The following DEFB1 variants were observed in gnomAD, a reference collection of about 807,000 sequenced individuals.
The protein encoded by DEFB1 is defensin beta 1.
A neutral mutation model predicts 2.6 loss-of-function variants in DEFB1; 4 were observed. That is an observed-to-expected ratio of 1.53 (90% CI 0.76 to 3.51). The LOEUF (loss-of-function observed/expected upper bound fraction) is 3.51, where lower values mean the gene tolerates loss of function less well. Ranked by LOEUF, DEFB1 falls within the 30% of genes most tolerant of loss-of-function variation. The pLI is 0.01. For missense variants in DEFB1, 162 were observed against 76.9 expected, an observed-to-expected ratio of 2.11 and a Z score of -4.14; for synonymous variants, 56 against 28.5, an observed-to-expected ratio of 1.96 and a Z score of -3.07.
At chr8:6,873,629 T>C (rs921511300) in intron 1 of DEFB1, among the ~76,000 whole-genome samples, 3 of 152,126 alleles carry the variant, frequency 2.0e-5, no homozygotes, top group African/African-American at 7.2e-5. Context: ...CCACATGTTC[T>C]CAGTTATAAG....
intron 1 of DEFB1, among the ~76,000 whole-genome samples, chr8:6,873,264 C>T (rs975938773): frequency 6.6e-6 from 1 of 152,222 alleles, no homozygotes; most frequent in African/African-American, 2.4e-5. Flanking sequence ...GCCTCCTGAT[C>T]TCACTTCAGT....
intron 1 of DEFB1, among the ~76,000 whole-genome samples, chr8:6,873,210 A>G (rs1239441009): frequency 6.6e-6 from 1 of 152,224 alleles, no homozygotes; most frequent in Non-Finnish European, 1.5e-5. Context: ...TGATGTCCCC[A>G]GAGCATGTAG....
intron 1 of DEFB1, among the ~76,000 whole-genome samples, chr8:6,875,050 A>G (rs144905147): frequency 0.01 from 1,463 of 142,104 alleles, 9 homozygotes; most frequent in Non-Finnish European, 0.015. Context: ...CTTGACCGTT[A>G]CTTCATACCG....
chr8:6,871,259 G>C (rs2117207086), intron 1 of DEFB1, among the ~76,000 whole-genome samples: 1 of 152,256 alleles, frequency 6.6e-6, no homozygotes, highest in South Asian at 2.1e-4. Context: ...TGTTCCCTCT[G>C]CCTTGAATCC....
chr8:6,875,836 C>T (rs1242138415), intron 1 of DEFB1, among the ~76,000 whole-genome samples: 1 of 149,306 alleles, frequency 6.7e-6, no homozygotes, highest in Non-Finnish European at 1.5e-5. Context: ...CTGTACTATT[C>T]AACCTGAATA....
chr8:6,875,919 G>C (rs923240195), intron 1 of DEFB1, among the ~76,000 whole-genome samples: 4 of 152,132 alleles, frequency 2.6e-5, no homozygotes, highest in African/African-American at 7.2e-5. Context: ...GATTATTCTT[G>C]GGGGTAGGAG....
At chr8:6,870,936 CT>C in intron 1 of DEFB1, 110 bp from the exon 2 acceptor site, 1 of 1,246,002 alleles carries the variant, frequency 8.0e-7, no homozygotes, top group South Asian at 1.6e-5. Flanking sequence ...AGAGTCTTCT[CT>C]TCCAAGAAAT....
rs5743488 is a variant in DEFB1, at chr8:6,870,902, G to T, written c.62-76C>A. On this transcript the variant is annotated intron_variant, in intron 1 of 1. Transcript: ENST00000297439. Reference sequence around the variant, plus strand: ...GATTTGAGAACATCTCGCGAAAGCAGAACAAATAACTGCAAAACACCGGAG... The same window carrying T: ...GATTTGAGAACATCTCGCGAAAGCATAACAAATAACTGCAAAACACCGGAG... 141 of 1,489,836 alleles carry T rather than the reference G, an allele frequency of 9.5e-5. No individual in the cohort carries two copies. In the African/African-American group the frequency reaches 1.9e-3, roughly 20 times the overall value. The allele number at this position is 1,489,836 out of a possible 1,614,324, so 92.3% of individuals were successfully genotyped here. A position where few individuals can be genotyped will look rare whatever the true frequency, so the allele number is the denominator to read the frequency against.
rs757743439 is a variant in DEFB1 at position 6,870,604 on chromosome 8, G to A, written c.*77C>T. The A allele has an allele frequency of 1.7e-4, 261 of 1,555,582 alleles. 1 individual carries two copies. Among genetic ancestry groups the A allele is most frequent in the Middle Eastern group, 3.4e-4 (2 of 5,804 alleles). Reference sequence around the variant, plus strand: ...GGCCCAAAGGAGGTATACTTCAAAAGCAATTTTCCTTTATTAAAAGAATGC... The same window carrying A: ...GGCCCAAAGGAGGTATACTTCAAAAACAATTTTCCTTTATTAAAAGAATGC... On this transcript the variant is annotated 3_prime_UTR_variant, in exon 2 of 2. Coordinates refer to ENST00000297439, the MANE Select transcript of DEFB1 (RefSeq NM_005218.4).
At position 6,870,733 on chromosome 8, in the gene DEFB1, A is replaced by C. The variant is rs749021433; in HGVS notation, c.155T>G (p.Phe52Cys). The change falls in exon 2 of 2, where the codon TTT becomes TGT. Residue 52 changes from phenylalanine to cysteine, a missense_variant. Transcript: ENST00000297439. The stretch of plus-strand genomic sequence containing the variant: ...GTAACAGGTGCCTTGAATTTTGGTA[A>C]AGATCGGGCAGGCAGAATAGAGACA... ...GQCLYSACPI[F>C]TKIQGTCYRG... The C allele has an allele frequency of 1.9e-6, 3 of 1,614,250 alleles. No homozygotes were observed. The South Asian group carries it at 3.3e-5, about 18-fold the overall frequency.
chr8:6,876,845 C>CAAAA (rs34563802), intron 1 of DEFB1, among the ~76,000 whole-genome samples: 3 of 57,948 alleles, frequency 5.2e-5, no homozygotes, highest in Admixed American at 3.1e-4. Flanking sequence ...AACCAAAAAC[C>CAAAA]AAAAAAAAAA....
intron 1 of DEFB1, among the ~76,000 whole-genome samples, chr8:6,872,429 G>T (rs1806356937): frequency 6.6e-6 from 1 of 152,106 alleles, no homozygotes; most frequent in African/African-American, 2.4e-5. Context: ...TACCACTGCA[G>T]AACGTTTTAT....
Position 6,877,860 on chromosome 8 carries a change from C to A in DEFB1, c.-3G>T. 6.2e-7 allele frequency: 1 copy of A among 1,613,848 alleles called. No individual in the cohort carries two copies. The highest frequency in any genetic ancestry group is 8.5e-7 in the Non-Finnish European group (1 of 1,179,848). ...AGCAGAAGGTAGGAAGTTCTCATGG[C>A]GACTGGCAGGCAACACCCAGGATTT... On this transcript the variant is annotated 5_prime_UTR_variant, in exon 1 of 2. Coordinates refer to ENST00000297439, the MANE Select transcript of DEFB1 (RefSeq NM_005218.4).
At chr8:6,875,302 C>A (rs898073359) in intron 1 of DEFB1, among the ~76,000 whole-genome samples, 1 of 152,090 alleles carries the variant, frequency 6.6e-6, no homozygotes, top group African/African-American at 2.4e-5. Context: ...AGCCTCTTTT[C>A]TAGGAAAGTT....
intron 1 of DEFB1, among the ~76,000 whole-genome samples, chr8:6,874,118 TACAC>T (rs756827017): frequency 3.3e-5 from 4 of 120,232 alleles, no homozygotes; most frequent in Non-Finnish European, 6.9e-5. Context: ...ATATCTGACA[TACAC>T]ACACACACAC....
chr8:6,870,996 C>G (rs2702885), intron 1 of DEFB1, among the ~76,000 whole-genome samples, 170 bp from the exon 2 acceptor site: 112,278 of 152,258 alleles, frequency 0.74, 41,752 homozygotes, highest in African/African-American at 0.82. Flanking sequence ...GGTGTCTGAA[C>G]AGCTTACTCA....
At chr8:6,874,004 T>C (rs1806424924) in intron 1 of DEFB1, among the ~76,000 whole-genome samples, 1 of 152,200 alleles carries the variant, frequency 6.6e-6, no homozygotes, top group South Asian at 2.1e-4. Context: ...CCTGTGTCTG[T>C]TTCTCTTACG....
intron 1 of DEFB1, among the ~76,000 whole-genome samples, chr8:6,875,030 A>G (rs149869960): frequency 8.0e-5 from 12 of 150,758 alleles, no homozygotes; most frequent in Non-Finnish European, 1.6e-4. Context: ...ATATTGGGGA[A>G]AAAAAGTAAC....
intron 1 of DEFB1, 127 bp from the exon 2 acceptor site, chr8:6,870,953 C>G (rs1224664703): frequency 9.4e-7 from 1 of 1,064,148 alleles, no homozygotes; most frequent in Non-Finnish European, 1.3e-6. Flanking sequence ...GAAATTGGCC[C>G]ATGATTGATC....
Sources: allele counts gnomAD v4.1 joint callset (sites outside exome capture counted in the v4.1 genomes callset), GRCh38; gene constraint gnomAD v4.1.1; transcripts MANE v1.5; gene names NCBI Gene and HGNC (gene_info 2026-07-23, HGNC 2026-07-21).